Variants in RSBN1L observed in about 807,000 individuals in gnomAD.
The protein encoded by RSBN1L is lysine-specific demethylase RSBN1L.
Under a neutral mutation model 67.7 loss-of-function variants are expected in RSBN1L, and 30 were observed. That is an observed-to-expected ratio of 0.44 (90% CI 0.33 to 0.60). The LOEUF (loss-of-function observed/expected upper bound fraction) is 0.60, where lower values mean the gene tolerates loss of function less well. Ranked by LOEUF, RSBN1L falls within the 20% of genes least tolerant of loss-of-function variation. The pLI is 0.02. For missense variants in RSBN1L, 992 were observed against 1,031.7 expected (o/e 0.96, Z 0.53); for synonymous variants, 433 against 387.0 (o/e 1.12, Z -1.39).
intron 6 of RSBN1L, among the ~76,000 whole-genome samples, chr7:77,777,332 C>T (rs1396979027): frequency 1.3e-5 from 2 of 151,652 alleles, no homozygotes; most frequent in Non-Finnish European, 2.9e-5. Flanking sequence ...ATTAGGTGTG[C>T]TGTACATTCC....
At chr7:77,700,099 T>C (rs1367864390) in intron 1 of RSBN1L, among the ~76,000 whole-genome samples, 2 of 152,224 alleles carry the variant, frequency 1.3e-5, no homozygotes, top group South Asian at 2.1e-4. Context: ...CTGGCCAACA[T>C]TTTAGATTTT....
At position 77,778,606 on chromosome 7, in the gene RSBN1L, A is replaced by T. The variant is rs1322580432; in HGVS notation, c.1979A>T (p.Tyr660Phe). ...EGIRYARIQL[Y>F]DNDIYFIPRN... ...ATTCGCTATGCCAGGATTCAGCTAT[A>T]TGATAATGACATTTATTTTATTCCA... Residue 660 changes from tyrosine to phenylalanine, a missense_variant, in exon 8 of 8, where the codon TAT becomes TTT. By Grantham distance (22) the Tyr-to-Phe change is conservative (BLOSUM62 3). This residue lies in a region of RSBN1L where 55 missense variants were observed against 112.8 expected (regional missense o/e 0.49). Transcript: ENST00000334955. 3.7e-6 allele frequency: 6 copies of T among 1,614,004 alleles called. No individual in the cohort carries two copies. The highest frequency in any genetic ancestry group is 1.7e-5 in the Admixed American group (1 of 60,002).
intron 1 of RSBN1L, among the ~76,000 whole-genome samples, chr7:77,725,947 G>T (rs187399362): frequency 0.013 from 1,939 of 150,108 alleles, 47 homozygotes; most frequent in African/African-American, 0.044. Flanking sequence ...TCTGTAACCT[G>T]CTTTTTTTTT....
At chr7:77,746,800 A>G (rs893962320) in intron 2 of RSBN1L, among the ~76,000 whole-genome samples, 1 of 152,204 alleles carries the variant, frequency 6.6e-6, no homozygotes, top group Non-Finnish European at 1.5e-5. Flanking sequence ...TTGGCCAAAA[A>G]AAGGAGCTAC....
chr7:77,742,180 A>ATACACAC (rs60910312), intron 2 of RSBN1L, among the ~76,000 whole-genome samples: 6,744 of 81,682 alleles, frequency 0.083, 239 homozygotes, highest in South Asian at 0.16. Context: ...AAAAAAAAAA[A>ATACACAC]ATACACACAC....
intron 1 of RSBN1L, among the ~76,000 whole-genome samples, chr7:77,716,781 A>G (rs61364263): frequency 0.58 from 87,829 of 150,954 alleles, 27,596 homozygotes; most frequent in African/African-American, 0.84. Flanking sequence ...ACAGGCGTGC[A>G]CCACCACGCC....
intron 1 of RSBN1L, among the ~76,000 whole-genome samples, chr7:77,701,085 G>A (rs1790809824): frequency 7.0e-6 from 1 of 142,322 alleles, no homozygotes; most frequent in Non-Finnish European, 1.5e-5. Flanking sequence ...CCAGGAGGCG[G>A]AGGTTACAGT....
intron 2 of RSBN1L, among the ~76,000 whole-genome samples, chr7:77,747,499 T>C (rs1791500159): frequency 6.6e-6 from 1 of 152,022 alleles, no homozygotes; most frequent in Non-Finnish European, 1.5e-5. Context: ...CAGCTGTGGC[T>C]CAAAGGTGCC....
intron 3 of RSBN1L, among the ~76,000 whole-genome samples, chr7:77,757,668 T>C (rs571499653): frequency 6.6e-6 from 1 of 152,256 alleles, no homozygotes; most frequent in African/African-American, 2.4e-5. Context: ...TTCATTCTTA[T>C]GTCTGATGAT....
intron 3 of RSBN1L, among the ~76,000 whole-genome samples, chr7:77,760,094 C>A (rs1032829757): frequency 9.2e-5 from 14 of 152,044 alleles, no homozygotes; most frequent in African/African-American, 3.4e-4. Context: ...GAGAAAACAG[C>A]AATAAGTAAA....
chr7:77,773,866 TAAAAG>T (rs746601109), intron 6 of RSBN1L, among the ~76,000 whole-genome samples: 2 of 152,304 alleles, frequency 1.3e-5, no homozygotes, highest in Non-Finnish European at 2.9e-5. Flanking sequence ...TAAAAAAAAT[TAAAAG>T]GAAAGCTAAG....
chr7:77,744,910 A>G (rs1239887109), intron 2 of RSBN1L, among the ~76,000 whole-genome samples: 1 of 152,226 alleles, frequency 6.6e-6, no homozygotes, highest in Non-Finnish European at 1.5e-5. Context: ...ATTGCTATCA[A>G]CTTAAAATAG....
At chr7:77,768,914 A>C (rs1347724714) in intron 5 of RSBN1L, 111 bp downstream of exon 5, 3 of 880,448 alleles carry the variant, frequency 3.4e-6, no homozygotes, top group Non-Finnish European at 5.3e-6. Context: ...GCATAATTGG[A>C]ATATAAATTT....
intron 5 of RSBN1L, among the ~76,000 whole-genome samples, chr7:77,769,826 G>T (rs1250073609): frequency 6.6e-6 from 1 of 152,142 alleles, no homozygotes; most frequent in Non-Finnish European, 1.5e-5. Flanking sequence ...TTATAGGCTG[G>T]TAGGTATGTG....
chr7:77,779,173 G>A lies in RSBN1L; in HGVS notation c.*5G>A, dbSNP rs1285693741. ...GACGATGACATTTTGTGCTAAATTTGCATATACCATCTAAAATCCTTTTTT... is the reference window on the plus strand; with the variant it reads ...GACGATGACATTTTGTGCTAAATTTACATATACCATCTAAAATCCTTTTTT... On this transcript the variant is annotated 3_prime_UTR_variant, in exon 8 of 8. Transcript: ENST00000334955. 1 of 1,554,154 alleles carries A rather than the reference G, an allele frequency of 6.4e-7. No individual in the cohort carries two copies. Among genetic ancestry groups the A allele is most frequent in the Non-Finnish European group, 8.7e-7 (1 of 1,154,274 alleles).
At chr7:77,751,911 T>G (rs1412646213) in intron 3 of RSBN1L, among the ~76,000 whole-genome samples, 1 of 152,238 alleles carries the variant, frequency 6.6e-6, no homozygotes, top group East Asian at 1.9e-4. Context: ...CTTTCTTGCT[T>G]TGATACTATG....
chr7:77,727,384 G>GC (rs1168374782), intron 1 of RSBN1L, among the ~76,000 whole-genome samples: 1 of 152,174 alleles, frequency 6.6e-6, no homozygotes, highest in African/African-American at 2.4e-5. Flanking sequence ...ACCACGCCCA[G>GC]CCCCCCATCT....
At chr7:77,746,952 T>G (rs1584293673) in intron 2 of RSBN1L, among the ~76,000 whole-genome samples, 1 of 152,346 alleles carries the variant, frequency 6.6e-6, no homozygotes, top group Middle Eastern at 3.4e-3. Flanking sequence ...GCCCCACCCC[T>G]GTGGCTGTGT....
chr7:77,730,375 T>A (rs2150419160), intron 1 of RSBN1L, among the ~76,000 whole-genome samples: 1 of 152,308 alleles, frequency 6.6e-6, no homozygotes, highest in Non-Finnish European at 1.5e-5. Flanking sequence ...GTACATTTGT[T>A]CCAACTGATG....
Sources: gnomAD v4.1 joint callset for allele counts (sites outside exome capture counted in the v4.1 genomes callset) on GRCh38, gnomAD v4.1.1 for gene constraint, gnomAD v4.1.1 regional missense constraint, MANE v1.5 for transcripts, NCBI Gene and HGNC (gene_info 2026-07-23, HGNC 2026-07-21) for gene names.